Variants in PDCL observed in about 807,000 individuals in gnomAD.
PDCL encodes phosducin-like protein.
A neutral mutation model predicts 26.7 loss-of-function variants in PDCL; 11 were observed. The observed-to-expected ratio is 0.41, with a 90% CI of 0.26 to 0.68. PDCL has a LOEUF of 0.68. PDCL is among the 30% of genes least tolerant of loss of function. PDCL has a pLI of 0.30. For synonymous variants in PDCL, 118 were observed against 134.9 expected (o/e 0.87, Z 0.87); for missense variants, 330 against 371.6 (o/e 0.89, Z 0.92).
At chr9:122,825,864 C>T (rs898671532) in intron 2 of PDCL, among the ~76,000 whole-genome samples, 8 of 152,124 alleles carry the variant, frequency 5.3e-5, no homozygotes, top group Admixed American at 6.6e-5. Flanking sequence ...TGAGGCCAGC[C>T]TGGGCAACAA....
Position 122,826,788 on chromosome 9 carries a change from G to A in PDCL, c.-1C>T, listed in dbSNP as rs906926368. The A allele has an allele frequency of 1.9e-6, 3 of 1,613,706 alleles. No homozygotes were observed. Among genetic ancestry groups the A allele is most frequent in the African/African-American group, 1.3e-5 (1 of 75,002 alleles). On this transcript the variant is annotated 5_prime_UTR_variant, in exon 2 of 4. Coordinates refer to ENST00000259467, the MANE Select transcript of PDCL (RefSeq NM_005388.5). ...GCAACTTATCATCAAGGGTGGTCATGGTGTCTGGAAAAAGAAAGCATATCA... is the reference window on the plus strand; with the variant it reads ...GCAACTTATCATCAAGGGTGGTCATAGTGTCTGGAAAAAGAAAGCATATCA...
chr9:122,821,594 T>G (rs190077504), intron 3 of PDCL, among the ~76,000 whole-genome samples: 11 of 152,280 alleles, frequency 7.2e-5, no homozygotes, highest in African/African-American at 2.6e-4. Context: ...TATGAAATTA[T>G]ATATAATGTG....
intron 1 of PDCL, among the ~76,000 whole-genome samples, 191 bp downstream of exon 1, chr9:122,828,280 G>C (rs984828300): frequency 1.3e-5 from 2 of 152,072 alleles, no homozygotes; most frequent in African/African-American, 4.8e-5. Flanking sequence ...GGGGTGTGTG[G>C]AGCTTTTGGG....
At chr9:122,826,218 AAC>A (rs1829626770) in intron 2 of PDCL, among the ~76,000 whole-genome samples, 2 of 152,256 alleles carry the variant, frequency 1.3e-5, no homozygotes, top group African/African-American at 2.4e-5. Context: ...TGTACGGAGA[AAC>A]ACAGATTGCT....
rs553017070 is a variant in PDCL, at chr9:122,820,711, C to A, written c.355-75G>T. On this transcript the variant is annotated intron_variant, in intron 3 of 3. Transcript: ENST00000259467. ...GATAACAGTTAATATGGGCCGGGCG[C>A]GGTGGCTCACGCCTGTAATCCTAGC... The A allele has an allele frequency of 5.7e-5, 71 of 1,238,926 alleles. 1 individual carries two copies. In the South Asian group the frequency reaches 1.0e-3, roughly 18 times the overall value. The allele number at this position is 1,238,926 out of a possible 1,614,324, so 76.7% of individuals were successfully genotyped here.
intron 1 of PDCL, among the ~76,000 whole-genome samples, 183 bp downstream of exon 1, chr9:122,828,288 G>A (rs976437724): frequency 6.6e-6 from 1 of 152,100 alleles, no homozygotes; most frequent in South Asian, 2.1e-4. Flanking sequence ...TGGAGCTTTT[G>A]GGGGAAGGCT....
intron 1 of PDCL, among the ~76,000 whole-genome samples, chr9:122,827,451 C>A (rs1449266253): frequency 2.0e-5 from 3 of 152,140 alleles, no homozygotes; most frequent in Non-Finnish European, 4.4e-5. Flanking sequence ...GCCGGGCTCG[C>A]GCAGGTAATC....
chr9:122,820,323 C>A lies in PDCL; in HGVS notation c.668G>T (p.Gly223Val). 1 of 1,614,144 alleles carries A rather than the reference C, an allele frequency of 6.2e-7. No individual in the cohort carries two copies. Among genetic ancestry groups the A allele is most frequent in the Admixed American group, 1.7e-5 (1 of 60,014 alleles). The change falls in exon 4 of 4, where the codon GGC (glycine) becomes GTC (valine). Residue 223 changes from glycine to valine, a missense_variant. Physicochemically the swap from Gly to Val is moderately radical, Grantham distance 109. Transcript: ENST00000259467. ...KFCKVKSSVI[G>V]ASSQFTRNAL... ...ATTCCTGGTGAACTGACTGCTGGCGCCAATAACTGAGCTCTTCACCTTGCA... is the reference window on the plus strand; with the variant it reads ...ATTCCTGGTGAACTGACTGCTGGCGACAATAACTGAGCTCTTCACCTTGCA...
At chr9:122,820,977 G>C (rs1829546843) in intron 3 of PDCL, among the ~76,000 whole-genome samples, 1 of 151,870 alleles carries the variant, frequency 6.6e-6, no homozygotes, top group East Asian at 1.9e-4. Context: ...CAGCCTGGGA[G>C]ACAGGGTGAT....
chr9:122,826,640 C>A lies in PDCL; in HGVS notation c.148G>T (p.Gly50Cys). The part of the protein sequence containing the change: ...SSVPAEAELA[G>C]EGISVNTGPK... Reference sequence around the variant, plus strand: ...CCTGTGTTAACTGAGATGCCTTCGCCTGCCAGCTCAGCCTCTGCAGGCACA... The same window carrying A: ...CCTGTGTTAACTGAGATGCCTTCGCATGCCAGCTCAGCCTCTGCAGGCACA... The change falls in exon 2 of 4, where the codon GGC becomes TGC. Residue 50 changes from glycine to cysteine, a missense_variant. By Grantham distance (159) the Gly-to-Cys change is radical. Coordinates refer to ENST00000259467, the MANE Select transcript of PDCL (RefSeq NM_005388.5). The A allele has an allele frequency of 6.2e-7, 1 of 1,614,196 alleles. No homozygotes were observed.
intron 2 of PDCL, among the ~76,000 whole-genome samples, chr9:122,823,537 T>C (rs369505852): frequency 2.4e-4 from 37 of 152,248 alleles, no homozygotes; most frequent in African/African-American, 8.4e-4. Context: ...AAAGCAAAAT[T>C]TAGAATATCA....
intron 3 of PDCL, among the ~76,000 whole-genome samples, chr9:122,822,295 C>T (rs751543428): frequency 1.4e-4 from 21 of 151,942 alleles, no homozygotes; most frequent in South Asian, 2.1e-4. Context: ...CGGCTCACGC[C>T]TGTAATCCTA....
chr9:122,824,038 A>C (rs1458447311), intron 2 of PDCL, among the ~76,000 whole-genome samples: 4 of 152,108 alleles, frequency 2.6e-5, no homozygotes, highest in African/African-American at 9.7e-5. Flanking sequence ...CCAAAGTGCT[A>C]TGGGATGATG....
intron 3 of PDCL, among the ~76,000 whole-genome samples, chr9:122,822,347 G>C (rs1829563947): frequency 6.6e-6 from 1 of 150,556 alleles, no homozygotes; most frequent in Admixed American, 6.6e-5. Flanking sequence ...TTGACCTCAG[G>C]AGTTCCGAGA....
In PDCL at chr9:122,826,593, CA is replaced by C. The variant is rs767898594; in HGVS notation, c.172+22del. The C allele has an allele frequency of 5.0e-6, 8 of 1,593,528 alleles. No homozygotes were observed. In the Admixed American group the frequency reaches 1.4e-4, roughly 28 times the overall value. On this transcript the variant is annotated intron_variant, in intron 2 of 3. Coordinates refer to ENST00000259467, the MANE Select transcript of PDCL (RefSeq NM_005388.5). ...AATGTACATTTTTTAAGCCTGTTCC[CA>C]GAGCCCAGGGTTTCTCAGTACCTGT...
Position 122,819,954 on chromosome 9 carries a change from T to G in PDCL, c.*131A>C, listed in dbSNP as rs1829531210. The stretch of plus-strand genomic sequence containing the variant: ...CAGCATTCTGATTTAATCTAAGAAT[T>G]TCTTTATTTTATGCATAATAAAAGG... On this transcript the variant is annotated 3_prime_UTR_variant, in exon 4 of 4. Transcript: ENST00000259467. 6 of 671,682 alleles carry G rather than the reference T, an allele frequency of 8.9e-6. No individual in the cohort carries two copies. In the South Asian group the frequency reaches 1.3e-4, roughly 15 times the overall value. The allele number at this position is 671,682 out of a possible 1,614,324, so 41.6% of individuals were successfully genotyped here.
In PDCL at chr9:122,820,161, T is replaced by C; in HGVS notation, c.830A>G (p.Lys277Arg). 6.2e-7 allele frequency: 1 copy of C among 1,614,200 alleles called. No homozygotes were observed. The highest frequency in any genetic ancestry group is 8.5e-7 in the Non-Finnish European group (1 of 1,180,024). ...CACAGATGTCAGCACCAAGACTTCC[T>C]TTTCTGGGAGTAATCCAAATTCCTG... ...FLQEFGLLPE[K>R]EVLVLTSVRN... is the part of the protein sequence containing the mutation. Residue 277 changes from lysine to arginine, a missense_variant, in exon 4 of 4, where the codon AAG (lysine) becomes AGG (arginine). Physicochemically the swap from Lys to Arg is conservative, Grantham distance 26. Transcript: ENST00000259467.
Position 122,819,666 on chromosome 9 carries a change from A to G in PDCL, c.*419T>C, listed in dbSNP as rs1049812465. 6.5e-6 allele frequency: 1 copy of G among 154,464 alleles called. No homozygotes were observed. Among genetic ancestry groups the G allele is most frequent in the African/African-American group, 2.4e-5 (1 of 41,492 alleles). The allele number at this position is 154,464 out of a possible 1,614,324, so 9.6% of individuals were successfully genotyped here. On this transcript the variant is annotated 3_prime_UTR_variant, in exon 4 of 4. Coordinates refer to ENST00000259467, the MANE Select transcript of PDCL (RefSeq NM_005388.5). Reference sequence around the variant, plus strand: ...ATGGAACTGATTACAAGTAAATATAATTTACAATCATTTGATTAAGAAAAT... The same window carrying G: ...ATGGAACTGATTACAAGTAAATATAGTTTACAATCATTTGATTAAGAAAAT...
chr9:122,825,704 C>T lies in PDCL; in HGVS notation c.172+912G>A, dbSNP rs1206409643. Among the ~76,000 whole-genome samples, 3 of 152,132 alleles carry T rather than the reference C, an allele frequency of 2.0e-5. No homozygotes were observed. The East Asian group carries it at 5.8e-4, about 29-fold the overall frequency. On this transcript the variant is annotated intron_variant, in intron 2 of 3. Coordinates refer to ENST00000259467, the MANE Select transcript of PDCL (RefSeq NM_005388.5). ...TAGCTCCCCAAGAAGAAAAAAAACACCTAATTTTTTAAATGAGCAAAGGAT... is the reference window on the plus strand; with the variant it reads ...TAGCTCCCCAAGAAGAAAAAAAACATCTAATTTTTTAAATGAGCAAAGGAT...
Sources: allele counts gnomAD v4.1 joint callset (sites outside exome capture counted in the v4.1 genomes callset), GRCh38; gene constraint gnomAD v4.1.1; transcripts MANE v1.5; gene names NCBI Gene and HGNC (gene_info 2026-07-23, HGNC 2026-07-21).